The following HNF1B variants were observed in gnomAD, a reference collection of about 807,000 sequenced individuals.
HNF1B encodes the protein HNF1 homeobox B.
A neutral mutation model predicts 61.7 loss-of-function variants in HNF1B; 8 were observed. That is an observed-to-expected ratio of 0.13 (90% confidence interval 0.08 to 0.23). The LOEUF (loss-of-function observed/expected upper bound fraction) is 0.23, where lower values mean the gene tolerates loss of function less well. Ranked by LOEUF, HNF1B falls within the 10% of genes least tolerant of loss-of-function variation. The pLI is 1.00. For synonymous variants in HNF1B, 314 were observed against 287.7 expected (o/e 1.09, Z -0.93); for missense variants, 562 against 714.5 (o/e 0.79, Z 2.43).
chr17:37,690,177 G>A lies in HNF1B; in HGVS notation c.1654-2785C>T, dbSNP rs149877764. ...AATGGTAACATTTGAGCTGAATGAA[G>A]TGAAGGGGCAAGCATGTAAAAATGC... On this transcript the variant is annotated intron_variant, in intron 8 of 8. Transcript: ENST00000617811. 1.6e-4 allele frequency among the ~76,000 whole-genome samples: 25 copies of A among 152,280 alleles called. No individual in the cohort carries two copies. In the East Asian group the frequency reaches 4.8e-3, roughly 29 times the overall value.
chr17:37,731,584 C>A lies in HNF1B; in HGVS notation c.1045+11G>T, dbSNP rs750390196. On this transcript the variant is annotated intron_variant, in intron 4 of 8. Coordinates refer to ENST00000617811, the MANE Select transcript of HNF1B (RefSeq NM_000458.4). ...GGGTTGCCGAGGCAGTGAGGCCCAA[C>A]CTTTGCTTACCTGACAGCTTGTTTG... 2.5e-6 allele frequency: 4 copies of A among 1,605,404 alleles called. No homozygotes were observed. In the East Asian group the frequency reaches 9.0e-5, roughly 36 times the overall value.
intron 4 of HNF1B, 112 bp downstream of exon 4, chr17:37,731,483 A>C: frequency 1.2e-6 from 1 of 838,742 alleles, no homozygotes; most frequent in South Asian, 1.4e-5. Context: ...GAGCGGCCCT[A>C]GGATCATCTC....
chr17:37,728,634 GCA>G (rs2033589031), intron 4 of HNF1B: 1 of 126,654 alleles, frequency 7.9e-6, no homozygotes, highest in Non-Finnish European at 1.6e-5. Context: ...TCGGTATTCT[GCA>G]CACAGTTACG....
Position 37,689,190 on chromosome 17 carries a change from G to A in HNF1B, c.1654-1798C>T, listed in dbSNP as rs893438972. Among the ~76,000 whole-genome samples, 6 of 150,142 alleles carry A rather than the reference G, an allele frequency of 4.0e-5. No homozygotes were observed. In the East Asian group the frequency reaches 7.8e-4, roughly 19 times the overall value. On this transcript the variant is annotated intron_variant, in intron 8 of 8. Coordinates refer to ENST00000617811, the MANE Select transcript of HNF1B (RefSeq NM_000458.4). ...AAAAAAGAGGGGGGCTGAGCAGTGC[G>A]TGCATGTGAGGAGACAGGCTTCTGA...
At chr17:37,726,255 ACCTCTC>A (rs923373134) in intron 4 of HNF1B, among the ~76,000 whole-genome samples, 1 of 151,930 alleles carries the variant, frequency 6.6e-6, no homozygotes, top group Non-Finnish European at 1.5e-5. Context: ...ACAGCTCAAA[ACCTCTC>A]CCCACCACTT....
At chr17:37,690,246 C>T (rs1656326445) in intron 8 of HNF1B, among the ~76,000 whole-genome samples, 2 of 152,170 alleles carry the variant, frequency 1.3e-5, no homozygotes, top group South Asian at 2.1e-4. Flanking sequence ...ATGCAGGAGT[C>T]CTGGAGTGGG....
At chr17:37,718,211 T>C (rs2033187775) in intron 4 of HNF1B, among the ~76,000 whole-genome samples, 2 of 152,194 alleles carry the variant, frequency 1.3e-5, no homozygotes, top group South Asian at 2.1e-4. Flanking sequence ...CTAACATGCA[T>C]GGTGCACTTG....
intron 1 of HNF1B, among the ~76,000 whole-genome samples, chr17:37,743,701 C>T (rs1257853800): frequency 1.3e-5 from 2 of 152,362 alleles, no homozygotes; most frequent in African/African-American, 2.4e-5. Flanking sequence ...AAGTCTAGGG[C>T]GGTCGGGGAG....
At chr17:37,708,704 C>T (rs1201137269) in intron 5 of HNF1B, among the ~76,000 whole-genome samples, 2 of 152,198 alleles carry the variant, frequency 1.3e-5, no homozygotes, top group African/African-American at 4.8e-5. Context: ...AGGTAACTGA[C>T]ACAAGTGGTT....
rs183598320 is a variant in HNF1B, at chr17:37,698,848, G to C, written c.1653+228C>G. On this transcript the variant is annotated intron_variant, in intron 8 of 8. Transcript: ENST00000617811. ...GTCTCCAGCAACCTATCAAACTTCTGTCCTTGTTTAGTGCTCTTCCTGGGG... is the reference window on the plus strand; with the variant it reads ...GTCTCCAGCAACCTATCAAACTTCTCTCCTTGTTTAGTGCTCTTCCTGGGG... Among the ~76,000 whole-genome samples the C allele has an allele frequency of 1.5e-3, 221 of 152,184 alleles. 1 individual carries two copies. The highest frequency in any genetic ancestry group is 2.6e-3 in the Non-Finnish European group (175 of 67,994).
intron 8 of HNF1B, among the ~76,000 whole-genome samples, chr17:37,698,297 T>C (rs2032453020): frequency 6.6e-6 from 1 of 152,100 alleles, no homozygotes; most frequent in Non-Finnish European, 1.5e-5. Flanking sequence ...TCATCACCTG[T>C]GTTCAGACAT....
At chr17:37,688,873 G>A (rs767587839) in intron 8 of HNF1B, among the ~76,000 whole-genome samples, 8 of 152,140 alleles carry the variant, frequency 5.3e-5, no homozygotes, top group Non-Finnish European at 1.0e-4. Flanking sequence ...AAGGCCTGGC[G>A]CAGTGCCTCA....
At chr17:37,688,826 C>T (rs2032082840) in intron 8 of HNF1B, among the ~76,000 whole-genome samples, 1 of 152,166 alleles carries the variant, frequency 6.6e-6, no homozygotes. Context: ...TCGGCCCAAG[C>T]CCCTGCTGCT....
At chr17:37,695,557 G>A (rs2032357400) in intron 8 of HNF1B, among the ~76,000 whole-genome samples, 1 of 152,228 alleles carries the variant, frequency 6.6e-6, no homozygotes, top group Non-Finnish European at 1.5e-5. Flanking sequence ...ACCTCAGAAT[G>A]GTAAAGCCAC....
At position 37,701,083 on chromosome 17, in the gene HNF1B, C is replaced by T. The variant is rs574876963; in HGVS notation, c.1434G>A (p.Leu478=). 38 of 1,553,852 alleles carry T rather than the reference C, an allele frequency of 2.4e-5. No individual in the cohort carries two copies. Among genetic ancestry groups the T allele is most frequent in the South Asian group, 1.5e-4 (13 of 84,268 alleles). ...ALQPVQFSQQ[L]HSPHQQPLMQ... ...TGAGGGGCTGCTGGTGAGGGCTGTGCAGCTGCTGGGAGAACTGGACGGGCT... is the reference window on the plus strand; with the variant it reads ...TGAGGGGCTGCTGGTGAGGGCTGTGTAGCTGCTGGGAGAACTGGACGGGCT... Residue 478 remains leucine, a synonymous_variant, in exon 7 of 9, where the codon CTG becomes CTA. Transcript: ENST00000617811.
chr17:37,693,571 G>A (rs1024702742), intron 8 of HNF1B, among the ~76,000 whole-genome samples: 5 of 152,202 alleles, frequency 3.3e-5, no homozygotes, highest in Non-Finnish European at 7.3e-5. Context: ...ACATCAGCAA[G>A]TGAAATGCTC....
chr17:37,723,303 C>T (rs966594954), intron 4 of HNF1B, among the ~76,000 whole-genome samples: 17 of 151,550 alleles, frequency 1.1e-4, no homozygotes, highest in Middle Eastern at 3.2e-3. Flanking sequence ...GCCGAGATCG[C>T]GCCACTGCAC....
chr17:37,701,127 C>A lies in HNF1B; in HGVS notation c.1390G>T (p.Gly464Cys). 1 of 1,552,040 alleles carries A rather than the reference C, an allele frequency of 6.4e-7. No homozygotes were observed. The highest frequency in any genetic ancestry group is 8.7e-7 in the Non-Finnish European group (1 of 1,147,648). Residue 464 changes from glycine (G) to cysteine (C), a missense_variant, in exon 7 of 9, where the codon GGC becomes TGC. Transcript: ENST00000617811. ...ACGGGCTGCAGGGCTGCCAGGCTGC[C>A]GGCCACACTGTTGATGACAGGGACA... The part of the protein sequence containing the change: ...QSVPVINSVA[G>C]SLAALQPVQF...
chr17:37,695,255 A>G (rs963242407), intron 8 of HNF1B, among the ~76,000 whole-genome samples: 13 of 152,182 alleles, frequency 8.5e-5, no homozygotes, highest in Admixed American at 5.2e-4. Context: ...CCACCACTCT[A>G]GAGGGTGCAG....
Sources: gnomAD v4.1 joint callset for allele counts (sites outside exome capture counted in the v4.1 genomes callset) on GRCh38, gnomAD v4.1.1 for gene constraint, MANE v1.5 for transcripts, NCBI Gene and HGNC (gene_info 2026-07-23, HGNC 2026-07-21) for gene names.